Variants in SLC36A1 observed in about 807,000 individuals in gnomAD.
The protein encoded by SLC36A1 is proton-coupled amino acid transporter 1.
SLC36A1 carries 30 observed loss-of-function variants against 47.5 expected under a neutral mutation model. That is an observed-to-expected ratio of 0.63 (90% confidence interval 0.47 to 0.86). The LOEUF is 0.86. SLC36A1 is among the 40% of genes least tolerant of loss of function. The pLI is 0.00. For synonymous variants in SLC36A1, 255 were observed against 249.7 expected (o/e 1.02, Z -0.20); for missense variants, 517 against 606.0 (o/e 0.85, Z 1.54).
the SLC36A1 span, chr5:151,509,726 A>G: frequency 2.4e-5 from 7 of 291,180 alleles, no homozygotes; most frequent in East Asian, 4.6e-4. Flanking sequence ...TTACTTCATT[A>G]TATATTACAA....
the SLC36A1 span, among the ~76,000 whole-genome samples, chr5:151,414,316 T>C: frequency 7.2e-6 from 1 of 139,224 alleles, no homozygotes; most frequent in Non-Finnish European, 1.5e-5. Flanking sequence ...ACAGCATAAA[T>C]AAGGGCTCAG....
Position 151,474,159 on chromosome 5 carries a change from C to CAAAAA in SLC36A1, c.822+404_822+408dup, listed in dbSNP as rs1156305401. 3.0e-3 allele frequency among the ~76,000 whole-genome samples: 181 copies of CAAAAA among 59,744 alleles called. 4 individuals are homozygous for CAAAAA. Among genetic ancestry groups the CAAAAA allele is most frequent in the Non-Finnish European group, 3.6e-3 (123 of 34,592 alleles). The allele number at this position is 59,744 out of a possible 152,430, so 39.2% of individuals were successfully genotyped here. A position where few individuals can be genotyped will look rare whatever the true frequency, so the allele number is the denominator to read the frequency against. Reference sequence around the variant, plus strand: ...TGGGTGACAGAGCGAGACTCTGTCTCAAAAAAAAAAAAAAAAAAAAGAAAT... The same window carrying CAAAAA: ...TGGGTGACAGAGCGAGACTCTGTCTCAAAAAAAAAAAAAAAAAAAAAAAAAGAAAT... On this transcript the variant is annotated intron_variant, in intron 8 of 10. Coordinates refer to ENST00000243389, the MANE Select transcript of SLC36A1 (RefSeq NM_078483.4).
the SLC36A1 span, among the ~76,000 whole-genome samples, chr5:151,548,531 A>G: frequency 6.6e-6 from 1 of 152,090 alleles, no homozygotes; most frequent in South Asian, 2.1e-4. Context: ...CCCAGGCTGG[A>G]GTGCAATGGT....
At chr5:151,538,014 T>C in the SLC36A1 span, 1 of 1,448,808 alleles carries the variant, frequency 6.9e-7, no homozygotes, top group Non-Finnish European at 9.5e-7. Flanking sequence ...AGAAGCAGAG[T>C]GACTGACTGA....
At chr5:151,428,699 C>A in the SLC36A1 span, among the ~76,000 whole-genome samples, 2 of 152,128 alleles carry the variant, frequency 1.3e-5, no homozygotes, top group African/African-American at 2.4e-5. Context: ...GTGGCATGAT[C>A]TCGGCTCACT....
At chr5:151,460,947 G>A (rs1581114103) in intron 2 of SLC36A1, among the ~76,000 whole-genome samples, 2 of 151,274 alleles carry the variant, frequency 1.3e-5, no homozygotes, top group Non-Finnish European at 2.9e-5. Flanking sequence ...GTTAGGGGGT[G>A]CAAATAGGAA....
chr5:151,508,839 A>T, the SLC36A1 span, among the ~76,000 whole-genome samples: 1 of 152,132 alleles, frequency 6.6e-6, no homozygotes, highest in African/African-American at 2.4e-5. Flanking sequence ...GCTCTTATAC[A>T]CAGGCTAATA....
At position 151,479,515 on chromosome 5, in the gene SLC36A1, G is replaced by T. The variant is rs763533019; in HGVS notation, c.1159+26G>T. The T allele has an allele frequency of 1.0e-5, 16 of 1,601,848 alleles. No homozygotes were observed. In the Admixed American group the frequency reaches 2.7e-4, roughly 27 times the overall value. On this transcript the variant is annotated intron_variant, in intron 10 of 10. Coordinates refer to ENST00000243389, the MANE Select transcript of SLC36A1 (RefSeq NM_078483.4). ...GTGAGTAGAAGATGATAATTGCCTT[G>T]CTTGTTTTTCCCTAAAGGGCACCCA...
chr5:151,521,948 T>C, the SLC36A1 span: 1 of 1,614,186 alleles, frequency 6.2e-7, no homozygotes, highest in African/African-American at 1.3e-5. Flanking sequence ...TTACCCACCA[T>C]GCCACCCTGG....
intron 2 of SLC36A1, 128 bp downstream of exon 2, chr5:151,459,063 G>A (rs1181221080): frequency 1.5e-5 from 16 of 1,039,398 alleles, no homozygotes; most frequent in African/African-American, 6.4e-5. Context: ...GAAGAGATTG[G>A]GCGAGTGACT....
At chr5:151,528,079 T>C in the SLC36A1 span, 2 of 1,613,538 alleles carry the variant, frequency 1.2e-6, no homozygotes, top group Admixed American at 1.7e-5. Context: ...TTCCCTCCTA[T>C]GAGGCTATAG....
At chr5:151,395,550 C>T in the SLC36A1 span, among the ~76,000 whole-genome samples, 62 of 152,320 alleles carry the variant, frequency 4.1e-4, no homozygotes, top group African/African-American at 1.4e-3. Flanking sequence ...CTTGGAGCCA[C>T]CTCCCCTTTT....
intron 10 of SLC36A1, among the ~76,000 whole-genome samples, chr5:151,481,333 C>T (rs1247250223): frequency 1.3e-5 from 2 of 151,738 alleles, no homozygotes; most frequent in Admixed American, 6.6e-5. Flanking sequence ...TGAGAGCACT[C>T]GCCTCTCTCA....
the SLC36A1 span, among the ~76,000 whole-genome samples, chr5:151,423,577 G>A: frequency 6.6e-6 from 1 of 152,180 alleles, no homozygotes; most frequent in African/African-American, 2.4e-5. Flanking sequence ...ATGACACTCC[G>A]GAAAAGTCAA....
the SLC36A1 span, among the ~76,000 whole-genome samples, chr5:151,399,084 ATTTTT>A: frequency 0.018 from 1,064 of 59,980 alleles, 14 homozygotes; most frequent in African/African-American, 0.057. Context: ...ATATATATAT[ATTTTT>A]TTTTTTTTTT....
chr5:151,439,098 C>T (rs1305147941), intron 1 of SLC36A1, among the ~76,000 whole-genome samples: 1 of 148,312 alleles, frequency 6.7e-6, no homozygotes, highest in Non-Finnish European at 1.5e-5. Context: ...GGGAAGCAGG[C>T]ACGTCTTACA....
At chr5:151,434,921 A>G (rs2127435562), upstream of SLC36A1, among the ~76,000 whole-genome samples, 1 of 152,332 alleles carries the variant, frequency 6.6e-6, no homozygotes, top group Non-Finnish European at 1.5e-5. Context: ...CTATGGTAAT[A>G]TGTTATAGCA....
At chr5:151,471,292 A>T (rs1490623908) in intron 7 of SLC36A1, among the ~76,000 whole-genome samples, 1 of 152,228 alleles carries the variant, frequency 6.6e-6, no homozygotes, top group Admixed American at 6.5e-5. Flanking sequence ...AATTGAGGAG[A>T]TATGTTAATA....
At chr5:151,346,738 T>G in the SLC36A1 span, among the ~76,000 whole-genome samples, 1 of 152,134 alleles carries the variant, frequency 6.6e-6, no homozygotes, top group Non-Finnish European at 1.5e-5. Flanking sequence ...GCCTTGTGAA[T>G]AACCCCCACT....
Sources: allele counts gnomAD v4.1 joint callset (sites outside exome capture counted in the v4.1 genomes callset), GRCh38; gene constraint gnomAD v4.1.1; transcripts MANE v1.5; gene names NCBI Gene and HGNC (gene_info 2026-07-23, HGNC 2026-07-21).